RELA: variants seen among roughly 807,000 people sequenced by gnomAD.
The protein encoded by RELA is RELA proto-oncogene, NF-kB subunit.
Under a neutral mutation model 56.7 loss-of-function variants are expected in RELA, and 14 were observed. The observed-to-expected ratio is 0.25, with a 90% CI of 0.16 to 0.39. The LOEUF (loss-of-function observed/expected upper bound fraction) is 0.39. Ranked by LOEUF, RELA falls within the 10% of genes least tolerant of loss-of-function variation. RELA has a pLI of 1.00. For missense variants in RELA, 559 were observed against 736.4 expected (o/e 0.76, Z 2.79); for synonymous variants, 315 against 289.7 (o/e 1.09, Z -0.89).
chr11:65,663,254 C>T (rs1316887466), upstream of RELA, among the ~76,000 whole-genome samples: 3 of 152,006 alleles, frequency 2.0e-5, no homozygotes, highest in East Asian at 5.9e-4. Flanking sequence ...GGAGCAAAGC[C>T]AGGGCTACTG....
At position 65,658,668 on chromosome 11, in the gene RELA, C is replaced by T. The variant is rs889903869; in HGVS notation, c.664+50G>A. 1.2e-5 allele frequency: 18 copies of T among 1,547,576 alleles called. No homozygotes were observed. The highest frequency in any genetic ancestry group is 1.5e-5 in the Non-Finnish European group (17 of 1,120,448). ...TTACCTGACACTCCACTTCTCTGCT[C>T]AGCTTCACCCCTTGCTCCCAAGAGC... is the stretch of plus-strand genomic sequence containing the variant. On this transcript the variant is annotated intron_variant, in intron 7 of 10. Coordinates refer to ENST00000406246, the MANE Select transcript of RELA (RefSeq NM_021975.4). This position sits in a 1 kb window ranked among gnomAD's most constrained non-coding sequence, Gnocchi z 4.5.
rs1856365521 is a variant in RELA, at chr11:65,654,468, C to T, written c.1566G>A (p.Gly522=). Residue 522 remains glycine, a synonymous_variant, in exon 11 of 11, where the codon GGG becomes GGA. Coordinates refer to ENST00000406246, the MANE Select transcript of RELA (RefSeq NM_021975.4). ...DPAPAPLGAP[G]LPNGLLSGDE... is the part of the protein sequence containing the mutation. ...CTCCTGAAAGGAGGCCATTGGGGAG[C>T]CCCGGGGCCCCCAGTGGAGCAGGAG... is the stretch of plus-strand genomic sequence containing the variant. 1 of 1,603,168 alleles carries T rather than the reference C, an allele frequency of 6.2e-7. No homozygotes were observed. Among genetic ancestry groups the T allele is most frequent in the Admixed American group, 1.8e-5 (1 of 56,952 alleles).
At chr11:65,656,583 C>A (rs1235902191) in intron 8 of RELA, among the ~76,000 whole-genome samples, 1 of 152,192 alleles carries the variant, frequency 6.6e-6, no homozygotes, top group Admixed American at 6.6e-5. Context: ...CCGCCAGTAA[C>A]TTGACATATA....
At position 65,654,137 on chromosome 11, in the gene RELA, A is replaced by T; in HGVS notation, c.*241T>A. On this transcript the variant is annotated 3_prime_UTR_variant, in exon 11 of 11. Transcript: ENST00000406246. ...GAGCTGACCATCAGGACAGGGGAAAAGTTTGAGTTTCCCCAGCTCCCCCCT... is the reference window on the plus strand; with the variant it reads ...GAGCTGACCATCAGGACAGGGGAAATGTTTGAGTTTCCCCAGCTCCCCCCT... 1 of 570,844 alleles carries T rather than the reference A, an allele frequency of 1.8e-6. No homozygotes were observed. Among genetic ancestry groups the T allele is most frequent in the Non-Finnish European group, 3.2e-6 (1 of 316,024 alleles). The allele number at this position is 570,844 out of a possible 1,614,324, so 35.4% of individuals were successfully genotyped here.
At chr11:65,662,648 G>A (rs956767418) in intron 1 of RELA, 178 bp downstream of exon 1, 12 of 411,024 alleles carry the variant, frequency 2.9e-5, no homozygotes, top group African/African-American at 2.1e-4. Context: ...CCACCCAGAG[G>A]GGAAACTGAG....
At chr11:65,659,569 G>T in intron 6 of RELA, 97 bp downstream of exon 6, 1 of 1,459,386 alleles carries the variant, frequency 6.9e-7, no homozygotes, top group Middle Eastern at 2.4e-4. Context: ...ATGATTGAAT[G>T]AAGCCAGAGC....
chr11:65,662,948 C>T (rs1416642045), upstream of RELA: 27 of 888,594 alleles, frequency 3.0e-5, no homozygotes, highest in Non-Finnish European at 3.7e-5. Flanking sequence ...CGTCACTGCC[C>T]GGAATCCGGC....
At chr11:65,662,115 A>T in intron 2 of RELA, 27 bp from the exon 3 acceptor site, 1 of 1,603,548 alleles carries the variant, frequency 6.2e-7, no homozygotes, top group South Asian at 1.1e-5. Flanking sequence ...CAGCCCCATT[A>T]GGCGGCTGCC....
chr11:65,659,585 T>C, intron 6 of RELA, 81 bp downstream of exon 6: 1 of 1,561,912 alleles, frequency 6.4e-7, no homozygotes, highest in Non-Finnish European at 8.7e-7. Context: ...AGAGCGCCTC[T>C]TGCAGGCCAC....
In RELA at chr11:65,655,003, G is replaced by A. The variant is rs750393933; in HGVS notation, c.1034-3C>T. The A allele has an allele frequency of 1.3e-6, 2 of 1,592,116 alleles. 1 individual carries two copies. Among genetic ancestry groups the A allele is most frequent in the South Asian group, 2.3e-5 (2 of 87,588 alleles). On this transcript the variant is annotated splice_region_variant and splice_polypyrimidine_tract_variant and intron_variant, in intron 10 of 10. Transcript: ENST00000406246. ...CGTAAAGGGATAGGGCTGGGGTGCT[G>A]GAGGAGAGAGACAGAGAGGCAGGGG...
At chr11:65,660,103 G>A in intron 5 of RELA, 21 bp downstream of exon 5, 1 of 1,608,704 alleles carries the variant, frequency 6.2e-7, no homozygotes, top group South Asian at 1.1e-5. Context: ...GTGCGGGTGT[G>A]GCAGGCAGGT....
chr11:65,661,377 G>A (rs1351544074), intron 4 of RELA: 4 of 283,876 alleles, frequency 1.4e-5, no homozygotes, highest in Admixed American at 4.9e-5. Flanking sequence ...CAACTCCAGG[G>A]GAGAGTGCTG....
Position 65,658,654 on chromosome 11 carries a change from T to A in RELA, c.664+64A>T, listed in dbSNP as rs1856489863. The A allele has an allele frequency of 6.7e-7, 1 of 1,502,172 alleles. No individual in the cohort carries two copies. The highest frequency in any genetic ancestry group is 2.3e-5 in the East Asian group (1 of 44,198). 93.1% of individuals were successfully genotyped at this position (1,502,172 alleles called of 1,614,324 possible). A position where few individuals can be genotyped will look rare whatever the true frequency, so the allele number is the denominator to read the frequency against. On this transcript the variant is annotated intron_variant, in intron 7 of 10. Transcript: ENST00000406246. This position sits in a 1 kb window ranked among gnomAD's most constrained non-coding sequence, Gnocchi z 4.5. ...GTATCCAAAGCCAGTTACCTGACAC[T>A]CCACTTCTCTGCTCAGCTTCACCCC... is the stretch of plus-strand genomic sequence containing the variant.
intron 10 of RELA, chr11:65,655,254 CT>C: frequency 1.7e-6 from 1 of 577,506 alleles, no homozygotes; most frequent in African/African-American, 1.9e-5. Flanking sequence ...GGAAGGGACA[CT>C]TGGAGAGATA....
rs1488068046 is a variant in RELA at position 65,661,699 on chromosome 11, C to T, written c.323G>A (p.Arg108His). The T allele has an allele frequency of 1.1e-5, 18 of 1,593,054 alleles. No homozygotes were observed. The highest frequency in any genetic ancestry group is 1.5e-5 in the Non-Finnish European group (18 of 1,168,390). The change falls in exon 4 of 11, where the codon CGC becomes CAC. Residue 108 changes from arginine to histidine, a missense_variant. Arg to His is a conservative substitution (Grantham distance 29). Coordinates refer to ENST00000406246, the MANE Select transcript of RELA (RefSeq NM_021975.4). ...GFYEAELCPD[R>H]CIHSFQNLGI... Reference sequence around the variant, plus strand: ...GCAGGGACCTCACCTGTGGATGCAGCGGTCCGGGCAGAGCTCAGCCTCATA... The same window carrying T: ...GCAGGGACCTCACCTGTGGATGCAGTGGTCCGGGCAGAGCTCAGCCTCATA...
At position 65,658,979 on chromosome 11, in the gene RELA, C is replaced by T. The variant is rs191226098; in HGVS notation, c.560-157G>A. On this transcript the variant is annotated intron_variant, in intron 6 of 10. Coordinates refer to ENST00000406246, the MANE Select transcript of RELA (RefSeq NM_021975.4). This position sits in a 1 kb window ranked among gnomAD's most constrained non-coding sequence, Gnocchi z 4.5. ...CAAAGTCAGACCTTCTTATTAGCTC[C>T]TCACCCCAACCGATTCAACAAGTAT... 5.3e-5 allele frequency among the ~76,000 whole-genome samples: 8 copies of T among 152,324 alleles called. No individual in the cohort carries two copies. Among genetic ancestry groups the T allele is most frequent in the African/African-American group, 1.4e-4 (6 of 41,574 alleles).
chr11:65,657,638 T>C (rs1856463516), intron 8 of RELA, among the ~76,000 whole-genome samples: 1 of 152,200 alleles, frequency 6.6e-6, no homozygotes, highest in African/African-American at 2.4e-5. Context: ...CTTCTGTGTC[T>C]TTCTCCAGCT....
rs1459021884 is a variant in RELA at position 65,654,474 on chromosome 11, G to A, written c.1560C>T (p.Ala520=). 1.2e-6 allele frequency: 2 copies of A among 1,603,188 alleles called. No individual in the cohort carries two copies. Among genetic ancestry groups the A allele is most frequent in the South Asian group, 1.1e-5 (1 of 89,692 alleles). Reference sequence around the variant, plus strand: ...AAAGGAGGCCATTGGGGAGCCCCGGGGCCCCCAGTGGAGCAGGAGCTGGGT... The same window carrying A: ...AAAGGAGGCCATTGGGGAGCCCCGGAGCCCCCAGTGGAGCAGGAGCTGGGT... ...PPDPAPAPLG[A]PGLPNGLLSG... The change falls in exon 11 of 11, where the codon GCC becomes GCT. Residue 520 remains alanine (A), a synonymous_variant. Transcript: ENST00000406246.
In RELA at chr11:65,654,103, C is replaced by T. The variant is rs1374352658; in HGVS notation, c.*275G>A. The stretch of plus-strand genomic sequence containing the variant: ...GGATGGGGGACCCCAGAGTTCCCTA[C>T]AGAGAAGGGAGCTGACCATCAGGAC... On this transcript the variant is annotated 3_prime_UTR_variant, in exon 11 of 11. Coordinates refer to ENST00000406246, the MANE Select transcript of RELA (RefSeq NM_021975.4). 2 of 491,246 alleles carry T rather than the reference C, an allele frequency of 4.1e-6. No individual in the cohort carries two copies. The highest frequency in any genetic ancestry group is 3.2e-5 in the Admixed American group (1 of 31,466). The allele number at this position is 491,246 out of a possible 1,614,324, so 30.4% of individuals were successfully genotyped here. A position where few individuals can be genotyped will look rare whatever the true frequency, so the allele number is the denominator to read the frequency against.
Sources: allele counts gnomAD v4.1 joint callset (sites outside exome capture counted in the v4.1 genomes callset), GRCh38; gene constraint gnomAD v4.1.1; non-coding constraint Gnocchi (gnomAD v3.1); transcripts MANE v1.5; gene names NCBI Gene and HGNC (gene_info 2026-07-23, HGNC 2026-07-21).